The following TTC23L variants were observed in gnomAD, a reference collection of about 807,000 sequenced individuals.
The protein encoded by TTC23L is tetratricopeptide repeat domain 23 like.
Under a neutral mutation model 48.1 loss-of-function variants are expected in TTC23L, and 42 were observed. That is an observed-to-expected ratio of 0.87 (90% confidence interval 0.68 to 1.13). TTC23L has a LOEUF of 1.13. Among genes scored for constraint, TTC23L ranks in the 50% most tolerant of loss-of-function variants. The pLI, the probability that TTC23L is intolerant of heterozygous loss-of-function variation, is 0.00. For synonymous variants in TTC23L, 159 were observed against 157.2 expected (o/e 1.01, Z -0.09); for missense variants, 391 against 421.0 (o/e 0.93, Z 0.62).
the TTC23L span, among the ~76,000 whole-genome samples, chr5:34,912,792 G>A: frequency 6.6e-6 from 1 of 152,188 alleles, no homozygotes; most frequent in Non-Finnish European, 1.5e-5. Context: ...CTGAGGTCAG[G>A]AGTTTGAGAC....
intron 3 of TTC23L, 137 bp from the exon 4 acceptor site, chr5:34,850,048 G>A (rs768660636): frequency 3.9e-6 from 4 of 1,015,852 alleles, no homozygotes; most frequent in Non-Finnish European, 5.8e-6. Flanking sequence ...AGACCTGATG[G>A]ATTAGACACA....
At chr5:34,892,799 G>A (rs915786136) in intron 9 of TTC23L, among the ~76,000 whole-genome samples, 9 of 152,128 alleles carry the variant, frequency 5.9e-5, no homozygotes, top group African/African-American at 1.9e-4. Flanking sequence ...AAGTGGCCTC[G>A]AGTGGTTGTA....
At chr5:34,871,479 A>G (rs1303556267) in intron 8 of TTC23L, among the ~76,000 whole-genome samples, 1 of 152,226 alleles carries the variant, frequency 6.6e-6, no homozygotes, top group East Asian at 1.9e-4. Flanking sequence ...CAGTCTTCCA[A>G]GATTGATCTG....
At chr5:34,918,351 T>C in the TTC23L span, 1 of 1,285,992 alleles carries the variant, frequency 7.8e-7, no homozygotes, top group South Asian at 1.2e-5. Context: ...TTTAACATTT[T>C]CTTTTTCTTT....
At chr5:34,915,848 A>T in the TTC23L span, 1 of 1,566,242 alleles carries the variant, frequency 6.4e-7, no homozygotes, top group Non-Finnish European at 8.7e-7. Context: ...GCCACAGCAG[A>T]GGAGGTGGAG....
chr5:34,842,592 G>A (rs535532641), intron 2 of TTC23L, among the ~76,000 whole-genome samples: 1 of 152,122 alleles, frequency 6.6e-6, no homozygotes, highest in Non-Finnish European at 1.5e-5. Flanking sequence ...TGGTGAGAAG[G>A]GGGGTGGAAG....
chr5:34,922,071 TGTGAA>T, the TTC23L span: 5 of 447,504 alleles, frequency 1.1e-5, no homozygotes. Flanking sequence ...AGGTTCCTTC[TGTGAA>T]TAAATACATG....
chr5:34,922,852 T>G, the TTC23L span: 1 of 1,359,350 alleles, frequency 7.4e-7, no homozygotes, highest in African/African-American at 1.4e-5. Flanking sequence ...TTATTCAATT[T>G]AGTTTCACCC....
the TTC23L span, chr5:34,925,555 A>G: frequency 2.8e-6 from 4 of 1,428,200 alleles, no homozygotes; most frequent in African/African-American, 5.8e-5. Context: ...TTCAATGTGT[A>G]AATACTTTTA....
rs555249282 is a variant in TTC23L, at chr5:34,899,157, T to C, written c.*98-233T>C. ...ATCAAGGGAAGAGCTCCCTGCTGTT[T>C]AGGAAGAAAACCCGAGACTCTAGTA... On this transcript the variant is annotated intron_variant, in intron 10 of 10. Transcript: ENST00000505624. Among the ~76,000 whole-genome samples the C allele has an allele frequency of 3.3e-5, 5 of 152,282 alleles. No individual in the cohort carries two copies. In the South Asian group the frequency reaches 1.0e-3, roughly 32 times the overall value.
chr5:34,915,010 C>T, the TTC23L span: 17 of 1,090,050 alleles, frequency 1.6e-5, no homozygotes, highest in South Asian at 2.5e-4. Context: ...CGAGGTCCGG[C>T]GAGCTCCACC....
the TTC23L span, among the ~76,000 whole-genome samples, chr5:34,910,290 T>G: frequency 6.6e-6 from 1 of 152,178 alleles, no homozygotes; most frequent in African/African-American, 2.4e-5. Flanking sequence ...CCTGAAATAC[T>G]GTTTTAAGTA....
the TTC23L span, among the ~76,000 whole-genome samples, chr5:34,917,012 G>A: frequency 5.3e-5 from 8 of 152,150 alleles, no homozygotes; most frequent in African/African-American, 1.9e-4. Flanking sequence ...TGGAAGTGCA[G>A]GAGATATAGA....
intron 3 of TTC23L, among the ~76,000 whole-genome samples, chr5:34,848,491 A>G (rs2150356854): frequency 6.6e-6 from 1 of 152,356 alleles, no homozygotes; most frequent in East Asian, 1.9e-4. Context: ...GGGAGATAAT[A>G]GACAAACAAT....
At chr5:34,915,023 C>T in the TTC23L span, 1 of 941,588 alleles carries the variant, frequency 1.1e-6, no homozygotes, top group Non-Finnish European at 1.6e-6. Context: ...GCTCCACCTG[C>T]GCTGAGAGGT....
intron 8 of TTC23L, among the ~76,000 whole-genome samples, chr5:34,874,724 A>G (rs370363151): frequency 1.3e-5 from 2 of 149,288 alleles, no homozygotes; most frequent in African/African-American, 2.4e-5. Flanking sequence ...TCTTGTCTCT[A>G]AAAAAAAAAT....
intron 7 of TTC23L, 166 bp downstream of exon 7, chr5:34,867,235 A>G (rs1761128087): frequency 1.4e-6 from 1 of 730,832 alleles, no homozygotes; most frequent in Non-Finnish European, 2.3e-6. Flanking sequence ...ATCAAACCTT[A>G]AATGACCAGG....
At chr5:34,852,929 C>T (rs1301991887) in intron 4 of TTC23L, among the ~76,000 whole-genome samples, 4 of 152,046 alleles carry the variant, frequency 2.6e-5, no homozygotes, top group Admixed American at 6.6e-5. Context: ...GAGGAACTGC[C>T]GTTTATAAAA....
chr5:34,875,029 CATT>C (rs1487744252), intron 8 of TTC23L, among the ~76,000 whole-genome samples: 1 of 152,110 alleles, frequency 6.6e-6, no homozygotes, highest in African/African-American at 2.4e-5. Flanking sequence ...ACTATACTAA[CATT>C]AATCAAAAGA....
Sources: allele counts gnomAD v4.1 joint callset (sites outside exome capture counted in the v4.1 genomes callset), GRCh38; gene constraint gnomAD v4.1.1; transcripts MANE v1.5; gene names NCBI Gene and HGNC (gene_info 2026-07-23, HGNC 2026-07-21).